UBL3: variants seen among roughly 807,000 people sequenced by gnomAD.
UBL3 encodes the protein ubiquitin like 3.
A neutral mutation model predicts 18.4 loss-of-function variants in UBL3; 6 were observed. The ratio of observed to expected loss-of-function variants is 0.33; its 90% CI spans 0.18 to 0.64. UBL3 has a LOEUF of 0.64. UBL3 is among the 30% of genes least tolerant of loss of function. The pLI is 0.76. For missense variants in UBL3, 109 were observed against 142.9 expected, an observed-to-expected ratio of 0.76 and a Z score of 1.21; for synonymous variants, 49 against 46.6, an observed-to-expected ratio of 1.05 and a Z score of -0.21.
At chr13:29,841,817 G>A (rs1300003792) in intron 1 of UBL3, among the ~76,000 whole-genome samples, 1 of 152,138 alleles carries the variant, frequency 6.6e-6, no homozygotes, top group Non-Finnish European at 1.5e-5. Flanking sequence ...TCTGAACCTA[G>A]GCTGTGAGAA....
chr13:29,800,865 C>T (rs1288599172), intron 1 of UBL3, among the ~76,000 whole-genome samples: 1 of 152,180 alleles, frequency 6.6e-6, no homozygotes, highest in African/African-American at 2.4e-5. Flanking sequence ...TTTCCTGTTG[C>T]CCTCAGGCTT....
At chr13:29,825,699 C>T (rs1286510690) in intron 1 of UBL3, among the ~76,000 whole-genome samples, 1 of 152,134 alleles carries the variant, frequency 6.6e-6, no homozygotes, top group Admixed American at 6.6e-5. Flanking sequence ...CTTTCTCCTG[C>T]CCGATTGCTC....
chr13:29,767,188 C>T lies in UBL3; in HGVS notation c.*67G>A, dbSNP rs1172148037. 5.7e-6 allele frequency: 9 copies of T among 1,570,206 alleles called. No individual in the cohort carries two copies. The highest frequency in any genetic ancestry group is 1.7e-4 in the Middle Eastern group (1 of 5,946). On this transcript the variant is annotated 3_prime_UTR_variant, in exon 5 of 5. Transcript: ENST00000380680. Reference sequence around the variant, plus strand: ...TTCTGAACGGTTTCTGAAGCAATGTCGGGTCTTTTCTGTCCCAGCAGCATG... The same window carrying T: ...TTCTGAACGGTTTCTGAAGCAATGTTGGGTCTTTTCTGTCCCAGCAGCATG...
At chr13:29,817,097 A>G (rs1878302123) in intron 1 of UBL3, among the ~76,000 whole-genome samples, 1 of 152,196 alleles carries the variant, frequency 6.6e-6, no homozygotes, top group African/African-American at 2.4e-5. Context: ...GTTTGATTCC[A>G]AGTTTCAGTG....
chr13:29,801,158 A>G (rs529700305), intron 1 of UBL3, among the ~76,000 whole-genome samples: 1 of 152,276 alleles, frequency 6.6e-6, no homozygotes, highest in South Asian at 2.1e-4. Flanking sequence ...GAAGGAACAG[A>G]GGGCCTGATG....
At position 29,766,289 on chromosome 13, in the gene UBL3, T is replaced by G. The variant is rs1284079765; in HGVS notation, c.*966A>C. 1 of 152,464 alleles carries G rather than the reference T, an allele frequency of 6.6e-6. No individual in the cohort carries two copies. The highest frequency in any genetic ancestry group is 1.5e-5 in the Non-Finnish European group (1 of 67,986). 9.4% of individuals were successfully genotyped at this position (152,464 alleles called of 1,614,324 possible). Reference sequence around the variant, plus strand: ...CGCAAACTATATAAAGAAACAAAATTAGTACTATGGAGTTTTTTTTTAATT... The same window carrying G: ...CGCAAACTATATAAAGAAACAAAATGAGTACTATGGAGTTTTTTTTTAATT... On this transcript the variant is annotated 3_prime_UTR_variant, in exon 5 of 5. Coordinates refer to ENST00000380680, the MANE Select transcript of UBL3 (RefSeq NM_007106.4).
chr13:29,829,310 G>T (rs1288032975), intron 1 of UBL3, among the ~76,000 whole-genome samples: 1 of 152,198 alleles, frequency 6.6e-6, no homozygotes, highest in Non-Finnish European at 1.5e-5. Flanking sequence ...AGGCAGGCAG[G>T]CCTCCCTGAG....
intron 1 of UBL3, among the ~76,000 whole-genome samples, chr13:29,800,475 T>C (rs150050543): frequency 3.7e-4 from 57 of 152,314 alleles, no homozygotes; most frequent in African/African-American, 1.2e-3. Context: ...TTAACTGAGA[T>C]TCCATTCCTA....
intron 1 of UBL3, among the ~76,000 whole-genome samples, chr13:29,811,654 G>A (rs1474786886): frequency 6.6e-6 from 1 of 152,048 alleles, no homozygotes; most frequent in Non-Finnish European, 1.5e-5. Context: ...CAGCTATCTT[G>A]AAAGTACTGA....
chr13:29,766,335 TAAGGAG>T lies in UBL3; in HGVS notation c.*914_*919del, dbSNP rs1473014210. The T allele has an allele frequency of 6.6e-6, 1 of 152,522 alleles. No individual in the cohort carries two copies. Among genetic ancestry groups the T allele is most frequent in the Non-Finnish European group, 1.5e-5 (1 of 67,996 alleles). The allele number at this position is 152,522 out of a possible 1,614,324, so 9.4% of individuals were successfully genotyped here. ...TAATTTTAAGAATTCATCTGAACTC[TAAGGAG>T]TAAGCATGACACTGGATGTGGTTAC... On this transcript the variant is annotated 3_prime_UTR_variant, in exon 5 of 5. Transcript: ENST00000380680.
In UBL3 at chr13:29,765,212, T is replaced by A. The variant is rs970357995; in HGVS notation, c.*2043A>T. 1 of 152,026 alleles carries A rather than the reference T, an allele frequency of 6.6e-6. No homozygotes were observed. The highest frequency in any genetic ancestry group is 1.5e-5 in the Non-Finnish European group (1 of 67,964). 9.4% of individuals were successfully genotyped at this position (152,026 alleles called of 1,614,324 possible). A position where few individuals can be genotyped will look rare whatever the true frequency, so the allele number is the denominator to read the frequency against. Reference sequence around the variant, plus strand: ...AGTCTTTAACTTAAAAAAAGAGTAATCAGAATGAAAATAGGTATTAAAAAT... The same window carrying A: ...AGTCTTTAACTTAAAAAAAGAGTAAACAGAATGAAAATAGGTATTAAAAAT... On this transcript the variant is annotated 3_prime_UTR_variant, in exon 5 of 5. Transcript: ENST00000380680.
chr13:29,789,272 T>C (rs907752644), intron 1 of UBL3, among the ~76,000 whole-genome samples: 1 of 152,196 alleles, frequency 6.6e-6, no homozygotes, highest in African/African-American at 2.4e-5. Context: ...ATTGTGGTGA[T>C]GGTAGCAAAA....
intron 1 of UBL3, 47 bp downstream of exon 1, chr13:29,849,465 A>T (rs747527170): frequency 3.7e-6 from 6 of 1,613,606 alleles, no homozygotes; most frequent in Non-Finnish European, 4.2e-6. Context: ...ATTAAATAAG[A>T]TTGGAAACCA....
At chr13:29,794,869 C>A (rs1162210487) in intron 1 of UBL3, among the ~76,000 whole-genome samples, 1 of 152,204 alleles carries the variant, frequency 6.6e-6, no homozygotes, top group Non-Finnish European at 1.5e-5. Context: ...CTTCTGAAAT[C>A]ATGAAATTGG....
rs565777939 is a variant in UBL3, at chr13:29,790,222, A to C, written c.28-12959T>G. 1.2e-4 allele frequency among the ~76,000 whole-genome samples: 19 copies of C among 152,358 alleles called. No individual in the cohort carries two copies. The South Asian group carries it at 3.7e-3, about 30-fold the overall frequency. On this transcript the variant is annotated intron_variant, in intron 1 of 4. Coordinates refer to ENST00000380680, the MANE Select transcript of UBL3 (RefSeq NM_007106.4). ...GTTATTTAGGAATATAATAATATAC[A>C]TAGGACACATAAACATTCAATAATG...
At chr13:29,840,343 C>G (rs1879066223) in intron 1 of UBL3, among the ~76,000 whole-genome samples, 1 of 152,086 alleles carries the variant, frequency 6.6e-6, no homozygotes, top group South Asian at 2.1e-4. Context: ...TGACGAAATA[C>G]AATCAATAAT....
chr13:29,829,502 A>T (rs1265507097), intron 1 of UBL3, among the ~76,000 whole-genome samples: 1 of 152,178 alleles, frequency 6.6e-6, no homozygotes, highest in Non-Finnish European at 1.5e-5. Flanking sequence ...CGCGGGATAT[A>T]ATCTTCTGGT....
In UBL3 at chr13:29,845,901, AATAG is replaced by A. The variant is rs543177360; in HGVS notation, c.27+3607_27+3610del. On this transcript the variant is annotated intron_variant, in intron 1 of 4. Transcript: ENST00000380680. ...ATTTCTCTCTTAAAGTTTTCAATGT[AATAG>A]ATAAAGTATAATTTTAGTCCAAAGC... Among the ~76,000 whole-genome samples, 27 of 152,280 alleles carry A rather than the reference AATAG, an allele frequency of 1.8e-4. No homozygotes were observed. The South Asian group carries it at 4.6e-3, about 26-fold the overall frequency.
chr13:29,781,396 T>C (rs1223414186), intron 1 of UBL3, among the ~76,000 whole-genome samples: 2 of 152,212 alleles, frequency 1.3e-5, no homozygotes, highest in African/African-American at 4.8e-5. Context: ...AAGTCTGTAT[T>C]ACTTTTAAAA....
Sources: allele counts gnomAD v4.1 joint callset (sites outside exome capture counted in the v4.1 genomes callset), GRCh38; gene constraint gnomAD v4.1.1; transcripts MANE v1.5; gene names NCBI Gene and HGNC (gene_info 2026-07-23, HGNC 2026-07-21).